The following DHRSX variants were observed in gnomAD, a reference collection of about 807,000 sequenced individuals.
DHRSX encodes dehydrogenase/reductase X-linked.
In DHRSX, 31 loss-of-function variants were observed where a neutral mutation model predicts 34.0. That is an observed-to-expected ratio of 0.91 (90% confidence interval 0.69 to 1.23). The LOEUF is 1.23. Among genes scored for constraint, DHRSX ranks in the 50% most tolerant of loss-of-function variants. The pLI is 0.00. For synonymous variants in DHRSX, 201 were observed against 183.8 expected (o/e 1.09, Z -0.76); for missense variants, 414 against 428.1 (o/e 0.97, Z 0.29).
intron 3 of DHRSX, among the ~76,000 whole-genome samples, chrX:2,354,445 C>A (rs1313891626): frequency 2.6e-5 from 4 of 152,162 alleles, no homozygotes; most frequent in Non-Finnish European, 5.9e-5. Flanking sequence ...ACAGCCTCCA[C>A]TCCCTGCCCA....
At chrX:2,348,483 T>G (rs1160746537) in intron 3 of DHRSX, among the ~76,000 whole-genome samples, 1 of 151,876 alleles carries the variant, frequency 6.6e-6, no homozygotes, top group Non-Finnish European at 1.5e-5. Context: ...TTACTTTCTT[T>G]CAAAAGAAAA....
At chrX:2,460,124 C>A (rs1178835408) in intron 1 of DHRSX, among the ~76,000 whole-genome samples, 4 of 151,912 alleles carry the variant, frequency 2.6e-5, no homozygotes, top group African/African-American at 9.7e-5. Context: ...AACAAACAAA[C>A]AAAAAAAGTA....
intron 3 of DHRSX, among the ~76,000 whole-genome samples, chrX:2,390,878 A>C (rs28418610): frequency 6.6e-6 from 1 of 151,482 alleles, no homozygotes; most frequent in Non-Finnish European, 1.5e-5. Context: ...TTGCTTATCC[A>C]TCTGCCTGTG....
Position 2,309,408 on chromosome X carries a change from GA to G in DHRSX, c.287-17806del, listed in dbSNP as rs748435647. 5.1e-4 allele frequency among the ~76,000 whole-genome samples: 77 copies of G among 151,794 alleles called. 1 individual carries two copies. In the East Asian group the frequency reaches 7.5e-3, roughly 15 times the overall value. On this transcript the variant is annotated intron_variant, in intron 3 of 6. Transcript: ENST00000334651. ...ATGAGTAACATTTATATATACAGAA[GA>G]AAAAAATCATAAAAATGTAAACTTA... is the stretch of plus-strand genomic sequence containing the variant.
chrX:2,319,375 T>C (rs771228704), intron 3 of DHRSX, among the ~76,000 whole-genome samples: 1 of 151,906 alleles, frequency 6.6e-6, no homozygotes, highest in East Asian at 1.9e-4. Flanking sequence ...AAACCCCGTC[T>C]CTACTAAAAA....
intron 1 of DHRSX, among the ~76,000 whole-genome samples, chrX:2,463,513 C>G (rs2044432000): frequency 6.8e-6 from 1 of 146,366 alleles, no homozygotes; most frequent in Non-Finnish European, 1.5e-5. Context: ...TCCAGAAATC[C>G]GAAGATTCAG....
intron 1 of DHRSX, chrX:2,490,354 C>T (rs1197385768): frequency 6.2e-7 from 1 of 1,613,318 alleles, no homozygotes; most frequent in African/African-American, 1.3e-5. Flanking sequence ...GCTCCTGCTG[C>T]TTCTTGCTGT....
intron 1 of DHRSX, among the ~76,000 whole-genome samples, chrX:2,431,182 TGGCGTGGTGGC>T (rs2043916298): frequency 6.6e-6 from 1 of 151,536 alleles, no homozygotes; most frequent in Non-Finnish European, 1.5e-5. Flanking sequence ...AAAATTAGCC[TGGCGTGGTGGC>T]GGGCGCCTGT....
intron 3 of DHRSX, among the ~76,000 whole-genome samples, chrX:2,399,718 C>T (rs866698939): frequency 1.4e-4 from 4 of 28,438 alleles, no homozygotes; most frequent in African/African-American, 5.0e-4. Context: ...AACAAACAAA[C>T]AAAAAGCAAA....
intron 2 of DHRSX, among the ~76,000 whole-genome samples, chrX:2,418,120 T>C: frequency 6.6e-6 from 1 of 152,002 alleles, no homozygotes; most frequent in Middle Eastern, 3.4e-3. Flanking sequence ...ATCACCTAAA[T>C]AAGTCACACA....
At chrX:2,447,034 C>T (rs984972169) in intron 1 of DHRSX, among the ~76,000 whole-genome samples, 7 of 150,760 alleles carry the variant, frequency 4.6e-5, no homozygotes, top group Non-Finnish European at 1.0e-4. Flanking sequence ...GGGACCGCCA[C>T]GGGTACACAC....
At chrX:2,322,894 T>C (rs1477183787) in intron 3 of DHRSX, among the ~76,000 whole-genome samples, 1 of 152,086 alleles carries the variant, frequency 6.6e-6, no homozygotes, top group African/African-American at 2.4e-5. Context: ...AACTCCCACA[T>C]TGTTCAAGGG....
Position 2,488,650 on chromosome X carries a change from G to C in DHRSX, c.109+12167C>G, listed in dbSNP as rs752474110. The C allele has an allele frequency of 3.1e-6, 5 of 1,605,912 alleles. No homozygotes were observed. In the South Asian group the frequency reaches 5.5e-5, roughly 18 times the overall value. On this transcript the variant is annotated intron_variant, in intron 1 of 6. Transcript: ENST00000334651. The stretch of plus-strand genomic sequence containing the variant: ...CGCTTCCTCGCTACAGGAAGCTGCT[G>C]TCCCTAATGCCAAAGAAACCGCCGC...
At chrX:2,270,545 A>ACGTT (rs1376468741) in intron 4 of DHRSX, among the ~76,000 whole-genome samples, 2 of 151,418 alleles carry the variant, frequency 1.3e-5, no homozygotes, top group African/African-American at 4.9e-5. Flanking sequence ...GGGCCCACAG[A>ACGTT]AGACTCAGCA....
At chrX:2,457,170 A>C (rs2044310307) in intron 1 of DHRSX, among the ~76,000 whole-genome samples, 1 of 151,892 alleles carries the variant, frequency 6.6e-6, no homozygotes, top group South Asian at 2.1e-4. Context: ...GATCGTCCCC[A>C]TGTATGAACT....
At chrX:2,425,455 G>A in intron 1 of DHRSX, 151 bp from the exon 2 acceptor site, 1 of 713,160 alleles carries the variant, frequency 1.4e-6, no homozygotes. Context: ...ACAGGCTCAG[G>A]AGGCATGAAT....
intron 6 of DHRSX, among the ~76,000 whole-genome samples, chrX:2,240,699 G>A (rs187224521): frequency 2.2e-4 from 34 of 152,134 alleles, no homozygotes; most frequent in African/African-American, 6.7e-4. Context: ...GAATCGTGGC[G>A]GTGTTTCAAA....
chrX:2,401,880 C>T (rs937491386), intron 3 of DHRSX, among the ~76,000 whole-genome samples: 3 of 152,332 alleles, frequency 2.0e-5, no homozygotes, highest in East Asian at 1.9e-4. Context: ...TGAGCCATCT[C>T]GCCCAGATTC....
At chrX:2,256,707 A>G (rs1255873686) in intron 5 of DHRSX, among the ~76,000 whole-genome samples, 1 of 152,194 alleles carries the variant, frequency 6.6e-6, no homozygotes, top group Non-Finnish European at 1.5e-5. Flanking sequence ...CTAATTTTCC[A>G]AGCCAGTAAA....
Sources: gnomAD v4.1 joint callset for allele counts (sites outside exome capture counted in the v4.1 genomes callset) on GRCh38, gnomAD v4.1.1 for gene constraint, MANE v1.5 for transcripts, NCBI Gene and HGNC (gene_info 2026-07-23, HGNC 2026-07-21) for gene names.